The following ADAMTSL1 variants were observed in gnomAD, a reference collection of about 807,000 sequenced individuals.
ADAMTSL1 encodes the protein ADAMTS-like protein 1.
A neutral mutation model predicts 201.8 loss-of-function variants in ADAMTSL1; 126 were observed. That is an observed-to-expected ratio of 0.62 (90% CI 0.54 to 0.72). ADAMTSL1 has a LOEUF of 0.72. Ranked by LOEUF, ADAMTSL1 falls within the 30% of genes least tolerant of loss-of-function variation. The pLI is 0.00. For missense variants in ADAMTSL1, 2,679 were observed against 2,277.8 expected, an observed-to-expected ratio of 1.18 and a Z score of -3.59; for synonymous variants, 1,121 against 903.4, an observed-to-expected ratio of 1.24 and a Z score of -4.32.
chr9:18,148,774 T>A (rs1826773452), intron 1 of ADAMTSL1, among the ~76,000 whole-genome samples: 1 of 152,042 alleles, frequency 6.6e-6, no homozygotes, highest in Non-Finnish European at 1.5e-5. Context: ...GGGGCACATT[T>A]AAACAAAAAG....
At chr9:18,739,023 A>G (rs937993944) in intron 15 of ADAMTSL1, among the ~76,000 whole-genome samples, 1 of 152,224 alleles carries the variant, frequency 6.6e-6, no homozygotes, top group Non-Finnish European at 1.5e-5. Flanking sequence ...GATCTCTTAC[A>G]ACTAGCTATG....
At chr9:17,970,291 C>T (rs560507888) in intron 1 of ADAMTSL1, among the ~76,000 whole-genome samples, 1 of 152,102 alleles carries the variant, frequency 6.6e-6, no homozygotes, top group Admixed American at 6.6e-5. Flanking sequence ...TCAAAACTAC[C>T]CCCTCCTATC....
intron 2 of ADAMTSL1, among the ~76,000 whole-genome samples, chr9:18,221,887 T>C (rs1272955999): frequency 6.6e-6 from 1 of 152,124 alleles, no homozygotes; most frequent in Non-Finnish European, 1.5e-5. Context: ...TTGTCAGGCA[T>C]GTTAGAATTT....
chr9:18,710,662 TTTTGTTTTG>T (rs1328219521), intron 14 of ADAMTSL1, among the ~76,000 whole-genome samples: 4 of 23,984 alleles, frequency 1.7e-4, no homozygotes, highest in East Asian at 1.5e-3. Context: ...AGGGCCTAAG[TTTTGTTTTG>T]TTTTTTTTTT....
chr9:18,331,615 G>T (rs903251721), intron 2 of ADAMTSL1, among the ~76,000 whole-genome samples: 43 of 152,126 alleles, frequency 2.8e-4, no homozygotes, highest in African/African-American at 8.5e-4. Context: ...TGGTGTAGAG[G>T]TTGAACTATC....
intron 1 of ADAMTSL1, among the ~76,000 whole-genome samples, chr9:18,486,529 C>T (rs997867738): frequency 1.3e-5 from 2 of 152,148 alleles, no homozygotes; most frequent in East Asian, 3.9e-4. Context: ...CATGGCAAAA[C>T]CTCATCTCTA....
chr9:18,137,478 C>T (rs1826210101), intron 1 of ADAMTSL1, among the ~76,000 whole-genome samples: 1 of 152,094 alleles, frequency 6.6e-6, no homozygotes, highest in Admixed American at 6.6e-5. Context: ...CAAGTCCAGG[C>T]TCCATTAGTC....
chr9:18,512,575 A>G (rs1160514578), intron 2 of ADAMTSL1, among the ~76,000 whole-genome samples: 2 of 152,168 alleles, frequency 1.3e-5, no homozygotes, highest in African/African-American at 2.4e-5. Context: ...GGTATAATTA[A>G]GGATAGAAAT....
intron 23 of ADAMTSL1, 72 bp from the exon 24 acceptor site, chr9:18,887,759 C>A: frequency 1.5e-6 from 2 of 1,360,504 alleles, no homozygotes; most frequent in Non-Finnish European, 2.1e-6. Context: ...GCCACACAGA[C>A]AGTAAACCAG....
At chr9:18,566,795 CT>C (rs1406840594) in intron 3 of ADAMTSL1, among the ~76,000 whole-genome samples, 6 of 152,064 alleles carry the variant, frequency 3.9e-5, no homozygotes, top group Admixed American at 2.0e-4. Context: ...ATTCTGGCCA[CT>C]GTGCTGACAA....
chr9:18,017,229 A>C (rs1350048776), intron 1 of ADAMTSL1, among the ~76,000 whole-genome samples: 2 of 152,088 alleles, frequency 1.3e-5, no homozygotes. Context: ...CCTATAAAAT[A>C]CAAGGTGGTG....
At chr9:18,752,444 A>G (rs1819520444) in intron 15 of ADAMTSL1, among the ~76,000 whole-genome samples, 1 of 152,210 alleles carries the variant, frequency 6.6e-6, no homozygotes, top group South Asian at 2.1e-4. Context: ...TCAGACTGTA[A>G]ACAGAACTTT....
intron 3 of ADAMTSL1, among the ~76,000 whole-genome samples, chr9:18,572,149 C>G (rs1199828337): frequency 6.6e-6 from 1 of 150,816 alleles, no homozygotes; most frequent in South Asian, 2.1e-4. Flanking sequence ...GAGCCGAGAT[C>G]ACGCCACTAC....
At chr9:18,007,753 T>C (rs1819887843) in intron 1 of ADAMTSL1, among the ~76,000 whole-genome samples, 1 of 151,918 alleles carries the variant, frequency 6.6e-6, no homozygotes, top group South Asian at 2.1e-4. Context: ...GATGTTCAAA[T>C]GTTGACACAC....
chr9:18,145,661 A>T (rs1214700990), intron 1 of ADAMTSL1, among the ~76,000 whole-genome samples: 1 of 152,164 alleles, frequency 6.6e-6, no homozygotes, highest in African/African-American at 2.4e-5. Context: ...TTCCTTGACT[A>T]TAATATATGA....
intron 1 of ADAMTSL1, among the ~76,000 whole-genome samples, chr9:18,005,785 C>A (rs1226724306): frequency 2.0e-5 from 3 of 151,956 alleles, no homozygotes; most frequent in Non-Finnish European, 4.4e-5. Context: ...CATCACCTAG[C>A]CTTTAGGTGA....
At chr9:18,218,771 A>C (rs1297876521) in intron 2 of ADAMTSL1, among the ~76,000 whole-genome samples, 3 of 151,974 alleles carry the variant, frequency 2.0e-5, no homozygotes, top group Admixed American at 6.6e-5. Flanking sequence ...TAATAGGTTG[A>C]ATTTGTCAAT....
chr9:18,577,733 G>C (rs1352061407), intron 4 of ADAMTSL1, among the ~76,000 whole-genome samples: 1 of 152,150 alleles, frequency 6.6e-6, no homozygotes, highest in African/African-American at 2.4e-5. Flanking sequence ...GTGGTTCCCT[G>C]TATAAGATTT....
intron 7 of ADAMTSL1, among the ~76,000 whole-genome samples, chr9:18,657,012 C>A (rs1587819294): frequency 6.6e-6 from 1 of 151,906 alleles, no homozygotes. Context: ...AGTAAGTAAT[C>A]GTTTTTATGA....
Sources: allele counts gnomAD v4.1 joint callset (sites outside exome capture counted in the v4.1 genomes callset), GRCh38; gene constraint gnomAD v4.1.1; transcripts MANE v1.5; gene names NCBI Gene and HGNC (gene_info 2026-07-23, HGNC 2026-07-21).